SOX5: variants seen among roughly 807,000 people sequenced by gnomAD.
SOX5 encodes SRY-box transcription factor 5, also known as transcription factor SOX-5.
A neutral mutation model predicts 92.0 loss-of-function variants in SOX5; 9 were observed. The ratio of observed to expected loss-of-function variants is 0.10; its 90% CI spans 0.06 to 0.17. SOX5 has a LOEUF of 0.17. Ranked by LOEUF, SOX5 falls within the 10% of genes least tolerant of loss-of-function variation. The probability of loss-of-function intolerance (pLI) is 1.00; values close to 1 mark genes in which losing one functional copy is unlikely to be tolerated. For synonymous variants in SOX5, 344 were observed against 336.3 expected, an observed-to-expected ratio of 1.02 and a Z score of -0.25; for missense variants, 642 against 944.5, an observed-to-expected ratio of 0.68 and a Z score of 4.20.
At chr12:23,896,822 C>T (rs2137760984) in intron 1 of SOX5, among the ~76,000 whole-genome samples, 1 of 151,030 alleles carries the variant, frequency 6.6e-6, no homozygotes, top group South Asian at 2.1e-4. Flanking sequence ...CCTTAGGATA[C>T]TTAAATAAAA....
At chr12:24,532,116 G>T (rs1346862621) in intron 1 of SOX5, among the ~76,000 whole-genome samples, 2 of 152,162 alleles carry the variant, frequency 1.3e-5, no homozygotes, top group East Asian at 3.8e-4. Flanking sequence ...TTTCTTCCCT[G>T]CAGTGTAGAA....
intron 4 of SOX5, among the ~76,000 whole-genome samples, chr12:24,170,409 G>A (rs952912867): frequency 1.2e-4 from 19 of 152,288 alleles, no homozygotes; most frequent in African/African-American, 3.8e-4. Flanking sequence ...GTAGGAAGAA[G>A]ACAGGAGTAA....
chr12:23,829,709 T>C (rs1594840514), intron 3 of SOX5, among the ~76,000 whole-genome samples: 1 of 152,144 alleles, frequency 6.6e-6, no homozygotes, highest in African/African-American at 2.4e-5. Flanking sequence ...ATGACTTACA[T>C]AGACCTGATA....
At position 24,411,340 on chromosome 12, in the gene SOX5, C is replaced by A. The variant is rs1217180240; in HGVS notation, c.-250-42701G>T. Among the ~76,000 whole-genome samples the A allele has an allele frequency of 6.6e-5, 10 of 152,170 alleles. No individual in the cohort carries two copies. The East Asian group carries it at 1.9e-3, about 29-fold the overall frequency. ...TGCCTTTTTGCACTGGCCAGAAATT[C>A]TAGCACTGTGTTGAAGAAGGGTCAT... On this transcript the variant is annotated intron_variant, in intron 1 of 4. Coordinates refer to the SOX5 transcript ENST00000446891.
Position 23,530,262 on chromosome 12 carries a change from T to C in SOX5, c.*3957A>G, listed in dbSNP as rs956369183. 3.3e-5 allele frequency: 5 copies of C among 152,342 alleles called. No individual in the cohort carries two copies. In the South Asian group the frequency reaches 8.3e-4, roughly 25 times the overall value. The allele number at this position is 152,342 out of a possible 1,614,324, so 9.4% of individuals were successfully genotyped here. On this transcript the variant is annotated 3_prime_UTR_variant, in exon 15 of 15. Coordinates refer to ENST00000451604, the MANE Select transcript of SOX5 (RefSeq NM_006940.6). ...TATTACAATTCAACAATTTACCCAT[T>C]AGAATGAGTGAAAGTGTAATTATTT... is the stretch of plus-strand genomic sequence containing the variant.
At chr12:23,897,459 C>T (rs1463240070) in intron 1 of SOX5, among the ~76,000 whole-genome samples, 1 of 152,084 alleles carries the variant, frequency 6.6e-6, no homozygotes, top group African/African-American at 2.4e-5. Context: ...TCAACTTACT[C>T]ATCTTTAAGG....
chr12:23,982,368 T>C (rs995457188), intron 4 of SOX5, among the ~76,000 whole-genome samples: 1 of 152,212 alleles, frequency 6.6e-6, no homozygotes, highest in Admixed American at 6.5e-5. Context: ...TGGGAATATA[T>C]GGTACAGAGA....
chr12:23,660,612 T>C (rs879927094), intron 7 of SOX5, among the ~76,000 whole-genome samples: 2 of 152,176 alleles, frequency 1.3e-5, no homozygotes, highest in Non-Finnish European at 2.9e-5. Context: ...CATCATACTA[T>C]ACATAGCACT....
chr12:23,901,122 G>C (rs2097226973), intron 1 of SOX5, among the ~76,000 whole-genome samples: 1 of 152,056 alleles, frequency 6.6e-6, no homozygotes, highest in Non-Finnish European at 1.5e-5. Context: ...ATTGTTGGTG[G>C]GTCCAAAGAA....
At position 24,246,302 on chromosome 12, in the gene SOX5, T is replaced by C. The variant is rs982826150; in HGVS notation, c.-77+30914A>G. Among the ~76,000 whole-genome samples the C allele has an allele frequency of 9.9e-5, 15 of 151,990 alleles. 1 individual carries two copies. Among genetic ancestry groups the C allele is most frequent in the Admixed American group, 7.9e-4 (12 of 15,252 alleles). On this transcript the variant is annotated intron_variant, in intron 3 of 4. Coordinates refer to the SOX5 transcript ENST00000446891. ...CACAGATTTTTTTTTTTTTAAAAGA[T>C]TGTTGGAAGTAAAAGATTTTATGAT...
At chr12:23,628,177 A>G (rs1018018171) in intron 8 of SOX5, among the ~76,000 whole-genome samples, 1 of 152,006 alleles carries the variant, frequency 6.6e-6, no homozygotes, top group East Asian at 1.9e-4. Flanking sequence ...CTGTTAATCA[A>G]ATATTTTAGT....
At chr12:23,803,780 A>C (rs2095708067) in intron 3 of SOX5, among the ~76,000 whole-genome samples, 1 of 152,228 alleles carries the variant, frequency 6.6e-6, no homozygotes, top group Admixed American at 6.5e-5. Flanking sequence ...AACCAGGCTG[A>C]CAACCATAAG....
At chr12:23,777,925 C>CA (rs1308945586) in intron 3 of SOX5, among the ~76,000 whole-genome samples, 2 of 152,194 alleles carry the variant, frequency 1.3e-5, no homozygotes, top group African/African-American at 4.8e-5. Flanking sequence ...ATGGTTTGAG[C>CA]ATCTCACTGT....
At chr12:24,416,565 TA>T (rs761713582) in intron 1 of SOX5, among the ~76,000 whole-genome samples, 6 of 152,150 alleles carry the variant, frequency 3.9e-5, no homozygotes, top group Non-Finnish European at 7.3e-5. Context: ...TCAACTAATG[TA>T]AAAATATGAG....
At chr12:24,500,178 C>T (rs942616446) in intron 1 of SOX5, among the ~76,000 whole-genome samples, 3 of 152,030 alleles carry the variant, frequency 2.0e-5, no homozygotes, top group Non-Finnish European at 4.4e-5. Context: ...TACAAAGTAA[C>T]GAATCTCTGA....
chr12:23,607,933 A>C (rs899734207), intron 8 of SOX5, among the ~76,000 whole-genome samples: 7 of 151,934 alleles, frequency 4.6e-5, no homozygotes, highest in Admixed American at 6.6e-5. Context: ...AAACATCGGA[A>C]ACAAACAGGT....
intron 11 of SOX5, among the ~76,000 whole-genome samples, chr12:23,550,785 A>T (rs1200351862): frequency 6.6e-6 from 1 of 152,010 alleles, no homozygotes; most frequent in Non-Finnish European, 1.5e-5. Flanking sequence ...GACTTAAAAA[A>T]AATAAAAAAC....
intron 6 of SOX5, among the ~76,000 whole-genome samples, chr12:23,680,544 A>T (rs1261810112): frequency 6.6e-6 from 1 of 151,872 alleles, no homozygotes; most frequent in Non-Finnish European, 1.5e-5. Context: ...ATGCTTGGTC[A>T]AAAATTTTAG....
intron 1 of SOX5, among the ~76,000 whole-genome samples, chr12:24,481,839 A>G (rs1034141111): frequency 1.3e-5 from 2 of 152,210 alleles, no homozygotes; most frequent in South Asian, 4.1e-4. Context: ...CAAGGGTCTC[A>G]GTGAAGTCTG....
Sources: gnomAD v4.1 joint callset for allele counts (sites outside exome capture counted in the v4.1 genomes callset) on GRCh38, gnomAD v4.1.1 for gene constraint, MANE v1.5 for transcripts, NCBI Gene and HGNC (gene_info 2026-07-23, HGNC 2026-07-21) for gene names.